Variants in TAFA5 observed in about 807,000 individuals in gnomAD.
TAFA5 encodes TAFA chemokine like family member 5.
A neutral mutation model predicts 15.3 loss-of-function variants in TAFA5; 6 were observed. The observed-to-expected ratio is 0.39, with a 90% confidence interval of 0.21 to 0.77. The LOEUF is 0.77. Among genes scored for constraint, TAFA5 ranks in the 30% least tolerant of loss-of-function variants. TAFA5 has a pLI of 0.41. For synonymous variants in TAFA5, 103 were observed against 80.7 expected (o/e 1.28, Z -1.48); for missense variants, 161 against 193.1 (o/e 0.83, Z 0.98).
Position 48,750,154 on chromosome 22 carries a change from A to AGAGGAG in TAFA5, c.*321_*326dup, listed in dbSNP as rs995709166. The AGAGGAG allele has an allele frequency of 4.2e-5, 19 of 452,660 alleles. No homozygotes were observed. Among genetic ancestry groups the AGAGGAG allele is most frequent in the South Asian group, 3.2e-4 (11 of 34,528 alleles). The allele number at this position is 452,660 out of a possible 1,614,324, so 28.0% of individuals were successfully genotyped here. Reference sequence around the variant, plus strand: ...CCGTGGCGTTGGCCCTGCTGTCCTCAGAGGAGGAGGAGGAGGAGGCAGCTC... The same window carrying AGAGGAG: ...CCGTGGCGTTGGCCCTGCTGTCCTCAGAGGAGGAGGAGGAGGAGGAGGAGGCAGCTC... On this transcript the variant is annotated 3_prime_UTR_variant, in exon 4 of 4. Coordinates refer to ENST00000402357, the MANE Select transcript of TAFA5 (RefSeq NM_001082967.3).
chr22:48,605,447 A>T (rs796155279), intron 1 of TAFA5, among the ~76,000 whole-genome samples: 13,344 of 77,194 alleles, frequency 0.17, 822 homozygotes, highest in Non-Finnish European at 0.21. Flanking sequence ...GGTGGTGGTG[A>T]TGGCAATGGT....
At chr22:48,564,935 A>C (rs1351154929) in intron 1 of TAFA5, among the ~76,000 whole-genome samples, 1 of 152,236 alleles carries the variant, frequency 6.6e-6, no homozygotes, top group African/African-American at 2.4e-5. Context: ...CAGAAGCTGC[A>C]GCTGGGAGAG....
At chr22:48,582,265 C>T (rs1241994115) in intron 1 of TAFA5, among the ~76,000 whole-genome samples, 1 of 151,966 alleles carries the variant, frequency 6.6e-6, no homozygotes, top group Non-Finnish European at 1.5e-5. Context: ...CCACATACTG[C>T]ACACACTACA....
intron 2 of TAFA5, among the ~76,000 whole-genome samples, chr22:48,655,315 T>C (rs1927196678): frequency 6.6e-6 from 1 of 152,234 alleles, no homozygotes. Flanking sequence ...ATGTAAGTCC[T>C]TAAGTACTTG....
At chr22:48,626,318 A>T (rs1053156417) in intron 1 of TAFA5, among the ~76,000 whole-genome samples, 1 of 152,166 alleles carries the variant, frequency 6.6e-6, no homozygotes, top group African/African-American at 2.4e-5. Flanking sequence ...GCCGGCCGTG[A>T]AGGAGCGTTC....
At chr22:48,738,128 C>A (rs1395852159) in intron 3 of TAFA5, among the ~76,000 whole-genome samples, 1 of 152,064 alleles carries the variant, frequency 6.6e-6, no homozygotes, top group Non-Finnish European at 1.5e-5. Flanking sequence ...GCTGCCGGGG[C>A]CAAGTGTGAA....
chr22:48,552,348 G>T lies in TAFA5; in HGVS notation c.112+62644G>T, dbSNP rs1037412441. ...GGAGGCAGTGGCAGAAGTCTGATGG[G>T]CTGAAGCCCTCAGGAAACCTTCTCA... On this transcript the variant is annotated intron_variant, in intron 1 of 3. Coordinates refer to ENST00000402357, the MANE Select transcript of TAFA5 (RefSeq NM_001082967.3). This position sits in a 1 kb window ranked among gnomAD's most constrained non-coding sequence, Gnocchi z 4.1. Among the ~76,000 whole-genome samples the T allele has an allele frequency of 1.3e-5, 2 of 152,266 alleles. No individual in the cohort carries two copies. The highest frequency in any genetic ancestry group is 3.9e-4 in the East Asian group (2 of 5,170).
intron 1 of TAFA5, among the ~76,000 whole-genome samples, chr22:48,535,139 G>A (rs561386953): frequency 1.3e-5 from 2 of 152,296 alleles, no homozygotes; most frequent in African/African-American, 2.4e-5. Flanking sequence ...ACCTGGGAAC[G>A]TTCTGCTGTG....
intron 1 of TAFA5, among the ~76,000 whole-genome samples, chr22:48,638,755 CA>C (rs2147196069): frequency 7.7e-5 from 10 of 130,224 alleles, no homozygotes; most frequent in East Asian, 2.4e-4. Flanking sequence ...ACACCACACA[CA>C]GGCGGGACCC....
At chr22:48,577,523 G>A (rs562533006) in intron 1 of TAFA5, among the ~76,000 whole-genome samples, 2 of 152,224 alleles carry the variant, frequency 1.3e-5, no homozygotes, top group African/African-American at 2.4e-5. Context: ...CCCTTGGTCC[G>A]CTGGGAAGGC....
intron 1 of TAFA5, among the ~76,000 whole-genome samples, chr22:48,601,606 C>G (rs564353646): frequency 1.3e-5 from 2 of 152,292 alleles, no homozygotes; most frequent in East Asian, 3.9e-4. Flanking sequence ...GGATTACAGG[C>G]GGGAGCCACC....
intron 2 of TAFA5, among the ~76,000 whole-genome samples, chr22:48,667,568 G>A (rs1384347860): frequency 3.3e-5 from 5 of 152,108 alleles, no homozygotes; most frequent in African/African-American, 1.2e-4. Context: ...TTTATCTCGC[G>A]GGCTTCGCTG....
At chr22:48,498,298 T>G in intron 1 of TAFA5, among the ~76,000 whole-genome samples, 2 of 146,732 alleles carry the variant, frequency 1.4e-5, no homozygotes, top group African/African-American at 2.5e-5. Flanking sequence ...GGCTGAAGAG[T>G]GGGCTGAGGG....
At chr22:48,565,057 G>A (rs1294480894) in intron 1 of TAFA5, among the ~76,000 whole-genome samples, 1 of 152,244 alleles carries the variant, frequency 6.6e-6, no homozygotes, top group African/African-American at 2.4e-5. Flanking sequence ...GTAAGGTGGG[G>A]GCTGGGGAAC....
At chr22:48,492,881 TA>T (rs1928205037) in intron 1 of TAFA5, among the ~76,000 whole-genome samples, 1 of 152,178 alleles carries the variant, frequency 6.6e-6, no homozygotes, top group African/African-American at 2.4e-5. Context: ...GGGTGTGGCT[TA>T]AAAAGAGTTG....
At chr22:48,724,601 C>T (rs989498304) in intron 3 of TAFA5, among the ~76,000 whole-genome samples, 2 of 152,224 alleles carry the variant, frequency 1.3e-5, no homozygotes, top group Non-Finnish European at 2.9e-5. Flanking sequence ...ACACCATGAC[C>T]TAAAGAAAGA....
intron 1 of TAFA5, among the ~76,000 whole-genome samples, chr22:48,624,308 G>C (rs937413902): frequency 3.3e-5 from 5 of 152,160 alleles, no homozygotes; most frequent in Non-Finnish European, 7.3e-5. Context: ...TTGAGCACCT[G>C]CCTGGGGTCG....
intron 2 of TAFA5, among the ~76,000 whole-genome samples, chr22:48,667,098 C>G (rs577006109): frequency 6.6e-6 from 1 of 152,214 alleles, no homozygotes; most frequent in South Asian, 2.1e-4. Flanking sequence ...GGTAGCACCC[C>G]GACCCTCACC....
At chr22:48,606,140 G>C (rs1925185839) in intron 1 of TAFA5, among the ~76,000 whole-genome samples, 2 of 152,316 alleles carry the variant, frequency 1.3e-5, no homozygotes, top group South Asian at 4.1e-4. Context: ...TCAGCAGCAG[G>C]GCTCCGCTCT....
Sources: gnomAD v4.1 joint callset for allele counts (sites outside exome capture counted in the v4.1 genomes callset) on GRCh38, gnomAD v4.1.1 for gene constraint, Gnocchi (gnomAD v3.1) non-coding constraint, MANE v1.5 for transcripts, NCBI Gene and HGNC (gene_info 2026-07-23, HGNC 2026-07-21) for gene names.